The following SEMA5A variants were observed in gnomAD, a reference collection of about 807,000 sequenced individuals.
The protein encoded by SEMA5A is semaphorin-5A.
SEMA5A carries 55 observed loss-of-function variants against 135.5 expected under a neutral mutation model. The ratio of observed to expected loss-of-function variants is 0.41; its 90% CI spans 0.33 to 0.51. The LOEUF is 0.51. Among genes scored for constraint, SEMA5A ranks in the 20% least tolerant of loss-of-function variants. The pLI, the probability that SEMA5A is intolerant of heterozygous loss-of-function variation, is 0.37. For missense variants in SEMA5A, 1,290 were observed against 1,419.9 expected (o/e 0.91, Z 1.47); for synonymous variants, 580 against 546.5 (o/e 1.06, Z -0.85).
At chr5:9,459,640 G>T (rs1023555344) in intron 1 of SEMA5A, among the ~76,000 whole-genome samples, 1 of 152,186 alleles carries the variant, frequency 6.6e-6, no homozygotes, top group Non-Finnish European at 1.5e-5. Flanking sequence ...AACAAAGCCA[G>T]ATCTAGACTC....
chr5:9,090,695 G>A (rs144241154), intron 16 of SEMA5A, among the ~76,000 whole-genome samples: 7 of 152,250 alleles, frequency 4.6e-5, no homozygotes, highest in Non-Finnish European at 7.4e-5. Flanking sequence ...ATGTCCTGAG[G>A]ATGCAATGAT....
intron 6 of SEMA5A, among the ~76,000 whole-genome samples, chr5:9,235,220 T>G (rs1162276531): frequency 2.6e-5 from 4 of 152,156 alleles, no homozygotes; most frequent in African/African-American, 7.2e-5. Flanking sequence ...GGGAGTTAAC[T>G]GTTAATTTTT....
intron 16 of SEMA5A, among the ~76,000 whole-genome samples, chr5:9,103,426 A>G (rs763921016): frequency 2.6e-5 from 4 of 152,146 alleles, no homozygotes; most frequent in Admixed American, 6.5e-5. Context: ...GTGTTATATC[A>G]ACTCTGACTG....
rs558432983 is a variant in SEMA5A at position 9,447,208 on chromosome 5, T to A, written c.-174-9356A>T. Among the ~76,000 whole-genome samples the A allele has an allele frequency of 4.1e-4, 62 of 152,326 alleles. 1 individual carries two copies. The East Asian group carries it at 0.012, about 28-fold the overall frequency. On this transcript the variant is annotated intron_variant, in intron 1 of 22. Transcript: ENST00000382496. ...AACTCAGTAATGGAAAGAAGATTAG[T>A]ATAAACCCGTGCAAGCCAATCCAAT...
chr5:9,050,877 C>T (rs1736535663), intron 20 of SEMA5A, among the ~76,000 whole-genome samples: 1 of 152,318 alleles, frequency 6.6e-6, no homozygotes, highest in East Asian at 1.9e-4. Context: ...GGCCCATTCA[C>T]CAGAGCTCAA....
chr5:9,147,495 C>G (rs1267215845), intron 12 of SEMA5A, among the ~76,000 whole-genome samples: 1 of 152,092 alleles, frequency 6.6e-6, no homozygotes, highest in South Asian at 2.1e-4. Flanking sequence ...TAGTCTCGAA[C>G]TCCTGACCTC....
intron 8 of SEMA5A, among the ~76,000 whole-genome samples, chr5:9,217,107 T>C (rs1390540643): frequency 6.6e-6 from 1 of 152,186 alleles, no homozygotes; most frequent in African/African-American, 2.4e-5. Flanking sequence ...GGTTTTGTAT[T>C]AGCTGGTAGC....
chr5:9,300,714 C>A (rs1422485882), intron 5 of SEMA5A, among the ~76,000 whole-genome samples: 1 of 152,100 alleles, frequency 6.6e-6, no homozygotes, highest in African/African-American at 2.4e-5. Context: ...CCTGGATAAT[C>A]CTGGTGAATC....
rs540494627 is a variant in SEMA5A, at chr5:9,493,893, A to G, written c.-175+51691T>C. ...AGCAAGTAACAAAGTATCTGTTTGAATTTGTTTCTTAATATGCTCAGGTTC... is the reference window on the plus strand; with the variant it reads ...AGCAAGTAACAAAGTATCTGTTTGAGTTTGTTTCTTAATATGCTCAGGTTC... On this transcript the variant is annotated intron_variant, in intron 1 of 22. Coordinates refer to ENST00000382496, the MANE Select transcript of SEMA5A (RefSeq NM_003966.3). Among the ~76,000 whole-genome samples, 18 of 152,338 alleles carry G rather than the reference A, an allele frequency of 1.2e-4. 1 individual carries two copies. The highest frequency in any genetic ancestry group is 4.3e-4 in the African/African-American group (18 of 41,576).
At chr5:9,397,259 C>T (rs953708332) in intron 2 of SEMA5A, among the ~76,000 whole-genome samples, 16 of 152,194 alleles carry the variant, frequency 1.1e-4, no homozygotes, top group African/African-American at 3.4e-4. Context: ...CATGTGAATG[C>T]ACACACAAAA....
chr5:9,459,568 A>G (rs1758978725), intron 1 of SEMA5A, among the ~76,000 whole-genome samples: 1 of 152,200 alleles, frequency 6.6e-6, no homozygotes, highest in Non-Finnish European at 1.5e-5. Context: ...TCCCCAGCTG[A>G]GCATTCAGAT....
intron 16 of SEMA5A, among the ~76,000 whole-genome samples, chr5:9,070,400 A>G (rs535823749): frequency 1.3e-5 from 2 of 152,136 alleles, no homozygotes; most frequent in African/African-American, 2.4e-5. Flanking sequence ...AATCATGTGC[A>G]GTTTATGGGC....
intron 4 of SEMA5A, among the ~76,000 whole-genome samples, chr5:9,320,841 C>T (rs1328374352): frequency 3.9e-5 from 6 of 152,174 alleles, no homozygotes; most frequent in African/African-American, 1.4e-4. Context: ...ATTAGCCAAG[C>T]TTTCACCCAG....
chr5:9,256,168 C>T (rs1270163520), intron 5 of SEMA5A, among the ~76,000 whole-genome samples: 1 of 152,168 alleles, frequency 6.6e-6, no homozygotes, highest in African/African-American at 2.4e-5. Context: ...ATGACTCACC[C>T]AAAAGTATCT....
At chr5:9,205,558 A>G (rs1385396779) in intron 8 of SEMA5A, among the ~76,000 whole-genome samples, 1 of 152,176 alleles carries the variant, frequency 6.6e-6, no homozygotes, top group Non-Finnish European at 1.5e-5. Flanking sequence ...ACTGACCCAC[A>G]GTTTCCTCTT....
At chr5:9,047,956 T>G (rs142920907) in intron 21 of SEMA5A, among the ~76,000 whole-genome samples, 133 of 152,254 alleles carry the variant, frequency 8.7e-4, no homozygotes, top group African/African-American at 3.2e-3. Flanking sequence ...AGGGTAACTG[T>G]GAGGCTCAGC....
chr5:9,096,270 T>C (rs1003200193), intron 16 of SEMA5A, among the ~76,000 whole-genome samples: 1 of 152,212 alleles, frequency 6.6e-6, no homozygotes, highest in Admixed American at 6.5e-5. Context: ...CCTAATGTTA[T>C]ACGTTAGGTC....
intron 5 of SEMA5A, among the ~76,000 whole-genome samples, chr5:9,315,564 G>C (rs1752353711): frequency 6.6e-6 from 1 of 152,134 alleles, no homozygotes; most frequent in African/African-American, 2.4e-5. Flanking sequence ...TATGATGGAA[G>C]AGCTCTTTAT....
intron 11 of SEMA5A, among the ~76,000 whole-genome samples, chr5:9,160,968 C>T (rs75637320): frequency 0.017 from 2,592 of 152,160 alleles, 29 homozygotes; most frequent in South Asian, 0.05. Flanking sequence ...AAAGAAATTA[C>T]CCCCAAAGAA....
Sources: gnomAD v4.1 joint callset for allele counts (sites outside exome capture counted in the v4.1 genomes callset) on GRCh38, gnomAD v4.1.1 for gene constraint, MANE v1.5 for transcripts, NCBI Gene and HGNC (gene_info 2026-07-23, HGNC 2026-07-21) for gene names.